The following MMRN1 variants were observed in gnomAD, a reference collection of about 807,000 sequenced individuals.
MMRN1 encodes the protein multimerin 1, also known as multimerin-1.
In MMRN1, 94 loss-of-function variants were observed where a neutral mutation model predicts 100.7. The ratio of observed to expected loss-of-function variants is 0.93; its 90% CI spans 0.79 to 1.11. MMRN1 has a LOEUF of 1.11. MMRN1 is among the 50% of genes least tolerant of loss of function. MMRN1 has a pLI of 0.00. For synonymous variants in MMRN1, 575 were observed against 505.0 expected (o/e 1.14, Z -1.86); for missense variants, 1,606 against 1,439.1 (o/e 1.12, Z -1.88).
chr4:89,912,335 A>G (rs1578477714), intron 3 of MMRN1, among the ~76,000 whole-genome samples: 1 of 151,352 alleles, frequency 6.6e-6, no homozygotes, highest in Non-Finnish European at 1.5e-5. Flanking sequence ...CTATAGAGGC[A>G]TGCCTTATTA....
At chr4:89,881,831 C>G (rs1416220026) in intron 1 of MMRN1, among the ~76,000 whole-genome samples, 1 of 151,878 alleles carries the variant, frequency 6.6e-6, no homozygotes, top group African/African-American at 2.4e-5. Flanking sequence ...CAGAGCTAAA[C>G]AGTAATGAGT....
intron 4 of MMRN1, among the ~76,000 whole-genome samples, chr4:89,925,501 AAT>A (rs150903291): frequency 0.15 from 22,022 of 145,480 alleles, 2,492 homozygotes; most frequent in African/African-American, 0.31. Context: ...TTATATTTTT[AAT>A]ATATATATAT....
chr4:89,894,304 T>C (rs1448460349), upstream of MMRN1, among the ~76,000 whole-genome samples: 2 of 152,174 alleles, frequency 1.3e-5, no homozygotes, highest in Non-Finnish European at 2.9e-5. Flanking sequence ...ATCATTGAGA[T>C]TAAGTAATGA....
chr4:89,950,703 C>A (rs1050861031), intron 6 of MMRN1, among the ~76,000 whole-genome samples: 3 of 151,668 alleles, frequency 2.0e-5, no homozygotes, highest in Non-Finnish European at 4.4e-5. Context: ...TAAGTGAAGA[C>A]CATTTTCTTA....
At chr4:89,916,832 T>C (rs1721936933) in intron 3 of MMRN1, among the ~76,000 whole-genome samples, 1 of 151,770 alleles carries the variant, frequency 6.6e-6, no homozygotes, top group Non-Finnish European at 1.5e-5. Flanking sequence ...TGGAATAACA[T>C]TTTCCAAGAT....
At chr4:89,897,389 TA>T (rs1405079941) in intron 1 of MMRN1, among the ~76,000 whole-genome samples, 2 of 152,088 alleles carry the variant, frequency 1.3e-5, no homozygotes, top group African/African-American at 4.8e-5. Flanking sequence ...TTTGTATTTT[TA>T]GTAGAGATGG....
intron 6 of MMRN1, among the ~76,000 whole-genome samples, chr4:89,948,531 G>A (rs1295653181): frequency 6.6e-6 from 1 of 152,138 alleles, no homozygotes; most frequent in Non-Finnish European, 1.5e-5. Flanking sequence ...CAGGAGACCT[G>A]TTATGAGACA....
In MMRN1 at chr4:89,895,107, C is replaced by T. The variant is rs371137778; in HGVS notation, c.136C>T (p.Pro46Ser). The change falls in exon 1 of 8, where the codon CCA becomes TCA. Residue 46 changes from proline to serine, a missense_variant. Coordinates refer to ENST00000264790, the MANE Select transcript of MMRN1 (RefSeq NM_007351.3). ...GACTATGCCTTCTGCTTCAGTTCCT[C>T]CAAATAAAATACAAAGTTTGCAAAT... ...QKTMPSASVPPNKIQSLQILP... is the reference protein window; with the variant it reads ...QKTMPSASVPSNKIQSLQILP... 2 of 1,613,726 alleles carry T rather than the reference C, an allele frequency of 1.2e-6. No individual in the cohort carries two copies. The highest frequency in any genetic ancestry group is 2.7e-5 in the African/African-American group (2 of 74,878).
At chr4:89,920,569 G>A (rs1312289287) in intron 3 of MMRN1, among the ~76,000 whole-genome samples, 1 of 151,916 alleles carries the variant, frequency 6.6e-6, no homozygotes, top group Non-Finnish European at 1.5e-5. Flanking sequence ...TGAGACTCAA[G>A]GTTTTCATTT....
intron 1 of MMRN1, among the ~76,000 whole-genome samples, chr4:89,897,964 C>G (rs192587258): frequency 1.6e-3 from 242 of 152,254 alleles, no homozygotes; most frequent in African/African-American, 5.6e-3. Context: ...TCTTAAACTC[C>G]TTCTATAGAA....
At chr4:89,928,911 G>T (rs1226201056) in intron 5 of MMRN1, among the ~76,000 whole-genome samples, 1 of 152,086 alleles carries the variant, frequency 6.6e-6, no homozygotes, top group Non-Finnish European at 1.5e-5. Context: ...TGGGGGAAAG[G>T]GGTGTGTATT....
intron 1 of MMRN1, among the ~76,000 whole-genome samples, chr4:89,881,685 T>C (rs1220843155): frequency 6.6e-6 from 1 of 151,974 alleles, no homozygotes; most frequent in Non-Finnish European, 1.5e-5. Flanking sequence ...AGCTCTGGTA[T>C]TGATTCATCT....
chr4:89,924,526 A>G (rs1293171682), intron 4 of MMRN1, among the ~76,000 whole-genome samples: 1 of 151,382 alleles, frequency 6.6e-6, no homozygotes, highest in Non-Finnish European at 1.5e-5. Context: ...TTAAATATAT[A>G]TATATTAATT....
intron 6 of MMRN1, among the ~76,000 whole-genome samples, chr4:89,949,732 C>A (rs780491265): frequency 6.6e-6 from 1 of 152,104 alleles, no homozygotes; most frequent in African/African-American, 2.4e-5. Flanking sequence ...TGATTAATTT[C>A]TCATTACATA....
rs534455460 is a variant in MMRN1, at chr4:89,898,391, C to T, written c.623+2797C>T. 1.1e-4 allele frequency among the ~76,000 whole-genome samples: 16 copies of T among 152,066 alleles called. No individual in the cohort carries two copies. In the South Asian group the frequency reaches 3.3e-3, roughly 32 times the overall value. On this transcript the variant is annotated intron_variant, in intron 1 of 7. Transcript: ENST00000264790. ...GCTAACAAAGCTCAGGGCAAAGACT[C>T]AAATCCAAGCTGGCTGGCTTTAGAG...
At chr4:89,943,790 G>C (rs1722903225) in intron 6 of MMRN1, among the ~76,000 whole-genome samples, 1 of 152,088 alleles carries the variant, frequency 6.6e-6, no homozygotes, top group Non-Finnish European at 1.5e-5. Flanking sequence ...AAGAGTTCGA[G>C]ACCAGCCTGG....
upstream of MMRN1, among the ~76,000 whole-genome samples, chr4:89,891,634 G>C (rs556575237): frequency 6.6e-6 from 1 of 152,074 alleles, no homozygotes; most frequent in South Asian, 2.1e-4. Flanking sequence ...CCCTTTTGCT[G>C]TATGTTGATA....
chr4:89,901,123 T>C (rs1189433308), intron 1 of MMRN1, among the ~76,000 whole-genome samples: 1 of 148,986 alleles, frequency 6.7e-6, no homozygotes, highest in Non-Finnish European at 1.5e-5. Context: ...AGAGAGCCAT[T>C]AAAGCCAACT....
intron 3 of MMRN1, among the ~76,000 whole-genome samples, chr4:89,920,807 G>GTT (rs143560826): frequency 9.3e-5 from 14 of 150,738 alleles, no homozygotes; most frequent in African/African-American, 1.7e-4. Flanking sequence ...GTAGAGTTTT[G>GTT]TTTTTTTTGT....
Sources: allele counts gnomAD v4.1 joint callset (sites outside exome capture counted in the v4.1 genomes callset), GRCh38; gene constraint gnomAD v4.1.1; transcripts MANE v1.5; gene names NCBI Gene and HGNC (gene_info 2026-07-23, HGNC 2026-07-21).